The following THSD4 variants were observed in gnomAD, a reference collection of about 807,000 sequenced individuals.
The protein encoded by THSD4 is thrombospondin type 1 domain containing 4, also known as thrombospondin type-1 domain-containing protein 4.
Under a neutral mutation model 119.0 loss-of-function variants are expected in THSD4, and 69 were observed. The ratio of observed to expected loss-of-function variants is 0.58; its 90% CI spans 0.48 to 0.71. THSD4 has a LOEUF of 0.71. Ranked by LOEUF, THSD4 falls within the 30% of genes least tolerant of loss-of-function variation. The pLI is 0.00. For missense variants in THSD4, 1,393 were observed against 1,391.1 expected (o/e 1.00, Z -0.02); for synonymous variants, 524 against 540.4 (o/e 0.97, Z 0.42).
chr15:71,328,929 T>C (rs2045383775), intron 6 of THSD4, among the ~76,000 whole-genome samples: 1 of 152,216 alleles, frequency 6.6e-6, no homozygotes, highest in Non-Finnish European at 1.5e-5. Flanking sequence ...TCCTGATCTG[T>C]AGAATGAGGC....
chr15:71,661,215 A>ATGTCTTCTG (rs1344576271), intron 8 of THSD4, among the ~76,000 whole-genome samples: 1 of 152,082 alleles, frequency 6.6e-6, no homozygotes, highest in Non-Finnish European at 1.5e-5. Context: ...AGTAGTGTGC[A>ATGTCTTCTG]TGTCTTCTGA....
In THSD4 at chr15:71,165,382, T is replaced by C. The variant is rs538589657; in HGVS notation, c.99+10450T>C. 7.3e-6 allele frequency: 11 copies of C among 1,500,670 alleles called. No homozygotes were observed. In the East Asian group the frequency reaches 1.4e-4, roughly 18 times the overall value. 93.0% of individuals were successfully genotyped at this position (1,500,670 alleles called of 1,614,324 possible). On this transcript the variant is annotated intron_variant, in intron 3 of 17. Transcript: ENST00000261862. ...CACAAAAAATGCATATGATGACATT[T>C]TGCCTCTCAGCTTCTTAGGATCTCC...
rs577446758 is a variant in THSD4 at position 71,521,061 on chromosome 15, G to T, written c.1152+109238G>T. On this transcript the variant is annotated intron_variant, in intron 7 of 17. Coordinates refer to ENST00000261862, the MANE Select transcript of THSD4 (RefSeq NM_024817.3). ...ACCAGCATCAGAGACGAACCTGAAG[G>T]TAATGGACTCAGGAGGGGAAGACAA... Among the ~76,000 whole-genome samples the T allele has an allele frequency of 3.3e-5, 5 of 152,294 alleles. No homozygotes were observed. In the South Asian group the frequency reaches 1.0e-3, roughly 32 times the overall value.
chr15:71,355,479 A>G (rs2045797636), intron 6 of THSD4, among the ~76,000 whole-genome samples: 1 of 152,202 alleles, frequency 6.6e-6, no homozygotes, highest in Non-Finnish European at 1.5e-5. Flanking sequence ...AGTTTGTTGC[A>G]TTTCCCTATC....
intron 7 of THSD4, among the ~76,000 whole-genome samples, chr15:71,573,598 C>A (rs2049398489): frequency 6.6e-6 from 1 of 152,160 alleles, no homozygotes; most frequent in Non-Finnish European, 1.5e-5. Context: ...AAACACCATA[C>A]TGTTTTAATG....
intron 8 of THSD4, among the ~76,000 whole-genome samples, chr15:71,724,287 A>ATATATTTTTTTTT: frequency 2.7e-5 from 1 of 37,288 alleles, no homozygotes; most frequent in African/African-American, 6.6e-5. Context: ...ATATATATAT[A>ATATATTTTTTTTT]TTTTTTTTTT....
intron 6 of THSD4, among the ~76,000 whole-genome samples, chr15:71,322,116 G>A (rs1024957737): frequency 6.6e-6 from 1 of 151,972 alleles, no homozygotes; most frequent in Admixed American, 6.6e-5. Flanking sequence ...ATTCATTGAC[G>A]TTTATACAGT....
chr15:71,744,398 G>A (rs375660779), intron 11 of THSD4, among the ~76,000 whole-genome samples: 24 of 152,080 alleles, frequency 1.6e-4, no homozygotes, highest in Admixed American at 1.2e-3. Flanking sequence ...AGAAGCTCAC[G>A]GTCTCATGGG....
chr15:71,306,038 T>C (rs1236613669), intron 6 of THSD4, among the ~76,000 whole-genome samples: 1 of 152,232 alleles, frequency 6.6e-6, no homozygotes, highest in East Asian at 1.9e-4. Flanking sequence ...CCAGGCGCAG[T>C]GGTTCATGTC....
At chr15:71,518,116 C>T (rs978329152) in intron 7 of THSD4, among the ~76,000 whole-genome samples, 6 of 152,130 alleles carry the variant, frequency 3.9e-5, no homozygotes, top group Non-Finnish European at 7.4e-5. Context: ...AACATATGTG[C>T]ATTGCTCAAT....
intron 8 of THSD4, among the ~76,000 whole-genome samples, chr15:71,707,104 A>C (rs2052407155): frequency 6.6e-6 from 1 of 152,106 alleles, no homozygotes. Context: ...CTGAAGGGTG[A>C]AACAGAGGGG....
intron 7 of THSD4, among the ~76,000 whole-genome samples, chr15:71,556,952 A>G (rs1303393456): frequency 1.3e-5 from 2 of 151,798 alleles, no homozygotes; most frequent in Non-Finnish European, 2.9e-5. Context: ...TTTAATGGCC[A>G]TTTTGAGTTT....
At chr15:71,320,115 C>T (rs955982473) in intron 6 of THSD4, among the ~76,000 whole-genome samples, 9 of 152,134 alleles carry the variant, frequency 5.9e-5, no homozygotes, top group African/African-American at 1.9e-4. Context: ...CTGGGTTACC[C>T]CTAGGTGAAC....
intron 8 of THSD4, among the ~76,000 whole-genome samples, chr15:71,665,881 T>TA (rs2051407894): frequency 6.6e-6 from 1 of 152,232 alleles, no homozygotes. Context: ...TTTGTACCAG[T>TA]ACCACTCTGT....
At chr15:71,556,038 C>G (rs2049010637) in intron 7 of THSD4, among the ~76,000 whole-genome samples, 2 of 152,146 alleles carry the variant, frequency 1.3e-5, no homozygotes, top group Admixed American at 1.3e-4. Context: ...AACATGCTGT[C>G]TTAATTACTA....
Position 71,253,447 on chromosome 15 carries a change from G to A in THSD4, c.913-3166G>A, listed in dbSNP as rs146066952. Among the ~76,000 whole-genome samples the A allele has an allele frequency of 1.4e-4, 21 of 151,252 alleles. No homozygotes were observed. In the East Asian group the frequency reaches 2.7e-3, roughly 20 times the overall value. ...TTTGGAGACAGAGTCTTCCTTTGTC[G>A]CCCAGGCTAGAGTGCAGAGGCGTGA... On this transcript the variant is annotated intron_variant, in intron 5 of 17. Transcript: ENST00000261862.
intron 7 of THSD4, among the ~76,000 whole-genome samples, chr15:71,456,510 TG>T (rs2047342401): frequency 6.6e-6 from 1 of 152,204 alleles, no homozygotes; most frequent in Non-Finnish European, 1.5e-5. Flanking sequence ...ACTTGTTAGG[TG>T]GGTTTTGTTA....
chr15:71,673,725 T>G (rs916141184), intron 8 of THSD4, among the ~76,000 whole-genome samples: 1 of 152,242 alleles, frequency 6.6e-6, no homozygotes, highest in African/African-American at 2.4e-5. Context: ...ACATCTTTAT[T>G]TCTGTCTTCA....
At chr15:71,594,075 G>T (rs1427187413) in intron 7 of THSD4, among the ~76,000 whole-genome samples, 1 of 152,136 alleles carries the variant, frequency 6.6e-6, no homozygotes, top group African/African-American at 2.4e-5. Flanking sequence ...CTGCACAATG[G>T]TGCTGAATGC....
Sources: allele counts gnomAD v4.1 joint callset (sites outside exome capture counted in the v4.1 genomes callset), GRCh38; gene constraint gnomAD v4.1.1; transcripts MANE v1.5; gene names NCBI Gene and HGNC (gene_info 2026-07-23, HGNC 2026-07-21).